SUGP2: variants seen among roughly 807,000 people sequenced by gnomAD.
SUGP2 encodes SURP and G-patch domain-containing protein 2.
A neutral mutation model predicts 90.5 loss-of-function variants in SUGP2; 24 were observed. That is an observed-to-expected ratio of 0.27 (90% confidence interval 0.19 to 0.37). The LOEUF (loss-of-function observed/expected upper bound fraction) is 0.37, where lower values mean the gene tolerates loss of function less well. SUGP2 is among the 10% of genes least tolerant of loss of function. The probability of loss-of-function intolerance (pLI) is 1.00; values close to 1 mark genes in which losing one functional copy is unlikely to be tolerated. For synonymous variants in SUGP2, 473 were observed against 513.4 expected (o/e 0.92, Z 1.06); for missense variants, 1,233 against 1,363.3 (o/e 0.90, Z 1.51).
chr19:19,007,945 G>C (rs1020296244), intron 6 of SUGP2, among the ~76,000 whole-genome samples: 3 of 152,022 alleles, frequency 2.0e-5, no homozygotes, highest in Non-Finnish European at 2.9e-5. Context: ...TTTTTGTAGA[G>C]ATGGGGTTTT....
intron 6 of SUGP2, chr19:19,007,495 C>T (rs1486601813): frequency 1.3e-5 from 2 of 152,854 alleles, no homozygotes; most frequent in African/African-American, 4.8e-5. Context: ...TCTTGTTGCC[C>T]AGGCTGGAGT....
intron 2 of SUGP2, among the ~76,000 whole-genome samples, chr19:19,027,469 T>C (rs1348739388): frequency 6.6e-6 from 1 of 152,074 alleles, no homozygotes; most frequent in Admixed American, 6.6e-5. Context: ...AGCAAGAAAA[T>C]GAGAACTCTT....
intron 6 of SUGP2, among the ~76,000 whole-genome samples, chr19:19,005,832 A>G (rs1463396506): frequency 5.0e-5 from 6 of 119,936 alleles, no homozygotes; most frequent in Non-Finnish European, 1.0e-4. Context: ...ATGCCACTAT[A>G]CCAGGCTAAC....
At chr19:19,033,551 G>A, upstream of SUGP2, 1 of 1,284,122 alleles carries the variant, frequency 7.8e-7, no homozygotes, top group Non-Finnish European at 9.8e-7. Context: ...GCAGCGCCGC[G>A]CCGCGCAGGC....
At chr19:18,995,105 G>A (rs1180038275) in intron 9 of SUGP2, 39 bp downstream of exon 9, 3 of 1,600,922 alleles carry the variant, frequency 1.9e-6, no homozygotes, top group African/African-American at 2.7e-5. Flanking sequence ...GAAGGACTGA[G>A]GCCCCACCCA....
chr19:18,994,441 C>T lies in SUGP2; in HGVS notation c.3174G>A (p.Glu1058=), dbSNP rs1201593580. The T allele has an allele frequency of 2.5e-6, 4 of 1,614,202 alleles. No homozygotes were observed. The highest frequency in any genetic ancestry group is 2.2e-5 in the South Asian group (2 of 91,086). Residue 1058 remains glutamate (E), a synonymous_variant, in exon 10 of 11, where the codon GAG becomes GAA. Transcript: ENST00000452918. ...ACACATCGAATGTGTCTTCTTTGTG[C>T]TCCTGCCCGTCAGCACCCAACCCTT... ...EGEGLGADGQ[E]HKEDTFDVFR... is the part of the protein sequence containing the mutation.
intron 8 of SUGP2, 130 bp from the exon 9 acceptor site, chr19:18,995,410 C>T: frequency 9.3e-7 from 1 of 1,071,150 alleles, no homozygotes; most frequent in South Asian, 1.8e-5. Flanking sequence ...CAGGCTCAAG[C>T]TCCAGTCACT....
At chr19:18,995,864 G>A (rs969081392) in intron 8 of SUGP2, among the ~76,000 whole-genome samples, 4 of 152,208 alleles carry the variant, frequency 2.6e-5, no homozygotes, top group African/African-American at 9.7e-5. Flanking sequence ...ACCTCACTGA[G>A]AGCTAGTACA....
chr19:18,993,746 C>T lies in SUGP2; in HGVS notation c.*1-6G>A, dbSNP rs1484697493. ...TTCACATCAGTGGTTTTGATCTATT[C>T]AGGAAGAGAACGATTTTGTTCAAAA... On this transcript the variant is annotated splice_region_variant and splice_polypyrimidine_tract_variant and intron_variant, in intron 10 of 10. Coordinates refer to ENST00000452918, the MANE Select transcript of SUGP2 (RefSeq NM_001017392.5). 1 of 151,700 alleles carries T rather than the reference C, an allele frequency of 6.6e-6. No individual in the cohort carries two copies. The highest frequency in any genetic ancestry group is 1.5e-5 in the Non-Finnish European group (1 of 67,986). 9.4% of individuals were successfully genotyped at this position (151,700 alleles called of 1,614,324 possible).
At chr19:18,995,304 C>A in intron 8 of SUGP2, 24 bp from the exon 9 acceptor site, 1 of 1,577,006 alleles carries the variant, frequency 6.3e-7, no homozygotes, top group Non-Finnish European at 8.6e-7. Context: ...AGAGTCCAGG[C>A]ATGTGGGCCA....
In SUGP2 at chr19:19,001,694, GAC is replaced by G. The variant is rs2057840389; in HGVS notation, c.2930-22_2930-21del. ...CATGGACTAGAAGACAAAAGAAAGAGACACATACACATACATGTGCTTTTCCT... is the reference window on the plus strand; with the variant it reads ...CATGGACTAGAAGACAAAAGAAAGAGACATACACATACATGTGCTTTTCCT... On this transcript the variant is annotated intron_variant, in intron 7 of 10. Coordinates refer to ENST00000452918, the MANE Select transcript of SUGP2 (RefSeq NM_001017392.5). The G allele has an allele frequency of 6.2e-7, 1 of 1,613,238 alleles. No individual in the cohort carries two copies. The highest frequency in any genetic ancestry group is 1.1e-5 in the South Asian group (1 of 91,078).
chr19:19,009,951 C>T lies in SUGP2; in HGVS notation c.2242G>A (p.Asp748Asn), dbSNP rs959708667. 1.9e-6 allele frequency: 3 copies of T among 1,614,040 alleles called. No homozygotes were observed. The highest frequency in any genetic ancestry group is 2.5e-6 in the Non-Finnish European group (3 of 1,180,034). ...GGGCCTGAGGCTTCTAAGCTGGGGT[C>T]CTGAGGAGAAGGTCCAACTGGGTCT... ...PPDPVGPSPQ[D>N]PSLEASGPSP... is the part of the protein sequence containing the mutation. Residue 748 changes from aspartate to asparagine, a missense_variant, in exon 5 of 11, where the codon GAC (aspartate) becomes AAC (asparagine). Coordinates refer to ENST00000452918, the MANE Select transcript of SUGP2 (RefSeq NM_001017392.5).
At chr19:19,005,096 T>A (rs927174755) in intron 6 of SUGP2, among the ~76,000 whole-genome samples, 14 of 152,158 alleles carry the variant, frequency 9.2e-5, no homozygotes, top group African/African-American at 3.4e-4. Flanking sequence ...CATGGAACCG[T>A]AAGGTGCCCC....
At chr19:18,994,194 G>T in intron 10 of SUGP2, 172 bp downstream of exon 10, 2 of 866,342 alleles carry the variant, frequency 2.3e-6, no homozygotes, top group Non-Finnish European at 3.5e-6. Flanking sequence ...GGTAAGAATG[G>T]GGCATATCCA....
intron 8 of SUGP2, among the ~76,000 whole-genome samples, chr19:18,995,590 C>T (rs2057542364): frequency 2.0e-5 from 3 of 152,160 alleles, no homozygotes; most frequent in Admixed American, 2.0e-4. Context: ...AGTAGGAAGG[C>T]CCTCAGCGGA....
intron 9 of SUGP2, chr19:18,994,838 A>C: frequency 5.6e-6 from 3 of 531,796 alleles, no homozygotes; most frequent in East Asian, 3.4e-5. Flanking sequence ...GTTCCCGGGA[A>C]TGGGAAAGCA....
Position 19,026,113 on chromosome 19 carries a change from C to G in SUGP2, c.235G>C (p.Gly79Arg). Residue 79 changes from glycine (G) to arginine (R), a missense_variant, in exon 3 of 11, where the codon GGC becomes CGC. Gly to Arg is a moderately radical substitution (Grantham distance 125). Transcript: ENST00000452918. ...CCTGGAAATACGTCACTTCTCAGGC[C>G]TTCTCTTCCGGCATCTCTAGAGTGA... ...VAHSRDAGRE[G>R]LRSDVFPGPS... 6.2e-7 allele frequency: 1 copy of G among 1,614,122 alleles called. No individual in the cohort carries two copies. The highest frequency in any genetic ancestry group is 8.5e-7 in the Non-Finnish European group (1 of 1,180,042).
chr19:19,001,889 G>C (rs2057849116), intron 7 of SUGP2, among the ~76,000 whole-genome samples: 2 of 152,182 alleles, frequency 1.3e-5, no homozygotes, highest in Non-Finnish European at 1.5e-5. Context: ...AGGGTAGGCA[G>C]CTTGGGCCAT....
In SUGP2 at chr19:19,002,514, T is replaced by TG. The variant is rs1568389340; in HGVS notation, c.2930-841_2930-840insC. ...GGAGATTAGCAAGTCTGTTTTTTTT[T>TG]TTTTTTTTTTTTTTTTGAGACACAG... is the stretch of plus-strand genomic sequence containing the variant. On this transcript the variant is annotated intron_variant, in intron 7 of 10. Coordinates refer to ENST00000452918, the MANE Select transcript of SUGP2 (RefSeq NM_001017392.5). Among the ~76,000 whole-genome samples the TG allele has an allele frequency of 2.6e-3, 367 of 139,468 alleles. 3 individuals are homozygous for TG. The highest frequency in any genetic ancestry group is 9.1e-3 in the African/African-American group (346 of 37,838). 91.5% of individuals were successfully genotyped at this position (139,468 alleles called of 152,430 possible).
Sources: allele counts gnomAD v4.1 joint callset (sites outside exome capture counted in the v4.1 genomes callset), GRCh38; gene constraint gnomAD v4.1.1; transcripts MANE v1.5; gene names NCBI Gene and HGNC (gene_info 2026-07-23, HGNC 2026-07-21).